The following ZC3H18 variants were observed in gnomAD, a reference collection of about 807,000 sequenced individuals.
ZC3H18 encodes zinc finger CCCH domain-containing protein 18.
Under a neutral mutation model 106.1 loss-of-function variants are expected in ZC3H18, and 8 were observed. The ratio of observed to expected loss-of-function variants is 0.08; its 90% CI spans 0.04 to 0.14. ZC3H18 has a LOEUF of 0.14. Among genes scored for constraint, ZC3H18 ranks in the 10% least tolerant of loss-of-function variants. The pLI, the probability that ZC3H18 is intolerant of heterozygous loss-of-function variation, is 1.00. For synonymous variants in ZC3H18, 635 were observed against 522.1 expected (o/e 1.22, Z -2.95); for missense variants, 1,318 against 1,278.4 (o/e 1.03, Z -0.47).
intron 7 of ZC3H18, among the ~76,000 whole-genome samples, chr16:88,610,377 A>G (rs974090715): frequency 2.0e-5 from 3 of 152,182 alleles, no homozygotes; most frequent in African/African-American, 7.2e-5. Context: ...CCATCGTGCC[A>G]GAAAAGTCCC....
Position 88,625,207 on chromosome 16 carries a change from C to A in ZC3H18, c.2048C>A (p.Thr683Lys). ...RPARTPPRRR[T>K]LSGSGSGSGS... ...CGCTGTTGCTTGTATTACAGGCGGA[C>A]GCTAAGCGGCAGCGGCAGTGGCAGT... The change falls in exon 13 of 18, where the codon ACG (threonine) becomes AAG (lysine). Residue 683 changes from threonine to lysine, a missense_variant. Thr to Lys is a moderately conservative substitution (Grantham distance 78, BLOSUM62 -1). Transcript: ENST00000301011. The A allele has an allele frequency of 6.3e-7, 1 of 1,588,270 alleles. No homozygotes were observed. The highest frequency in any genetic ancestry group is 8.6e-7 in the Non-Finnish European group (1 of 1,167,596).
At position 88,628,055 on chromosome 16, in the gene ZC3H18, C is replaced by G; in HGVS notation, c.2405C>G (p.Pro802Arg). 1 of 1,614,114 alleles carries G rather than the reference C, an allele frequency of 6.2e-7. No individual in the cohort carries two copies. The highest frequency in any genetic ancestry group is 2.2e-5 in the East Asian group (1 of 44,886). ...CCCTCGACACCCCAGCAGGCACCCC[C>G]CGGGCAGCCCCAGCAGGGCACATTT... ...QQPSTPQQAP[P>R]GQPQQGTFVA... Residue 802 changes from proline (P) to arginine (R), a missense_variant, in exon 15 of 18, where the codon CCC becomes CGC. By Grantham distance (103) the Pro-to-Arg change is moderately radical. Transcript: ENST00000301011.
intron 3 of ZC3H18, among the ~76,000 whole-genome samples, chr16:88,590,747 A>G (rs989627910): frequency 2.6e-5 from 4 of 151,472 alleles, no homozygotes; most frequent in East Asian, 3.9e-4. Flanking sequence ...TTTAGCAGAC[A>G]TGGGGTTTCA....
At chr16:88,609,894 C>T (rs1347487341) in intron 7 of ZC3H18, among the ~76,000 whole-genome samples, 2 of 152,174 alleles carry the variant, frequency 1.3e-5, no homozygotes, top group African/African-American at 4.8e-5. Flanking sequence ...AGTCACTGTG[C>T]CCAGCTCGGC....
At chr16:88,578,419 T>A (rs1914895132) in intron 2 of ZC3H18, among the ~76,000 whole-genome samples, 2 of 152,174 alleles carry the variant, frequency 1.3e-5, no homozygotes, top group Admixed American at 1.3e-4. Context: ...TTGGAAAAAC[T>A]ATGAGTGTTT....
intron 4 of ZC3H18, 44 bp from the exon 5 acceptor site, chr16:88,598,576 G>A (rs1227058536): frequency 6.4e-7 from 1 of 1,568,290 alleles, no homozygotes. Context: ...CTGTACACTT[G>A]AAAGTTTTAC....
chr16:88,605,105 C>T (rs1244441250), intron 6 of ZC3H18, among the ~76,000 whole-genome samples: 1 of 152,258 alleles, frequency 6.6e-6, no homozygotes, highest in African/African-American at 2.4e-5. Context: ...GGTCCAGCAC[C>T]TCCTTTGTCC....
intron 2 of ZC3H18, among the ~76,000 whole-genome samples, chr16:88,581,962 C>G (rs1205979059): frequency 6.6e-6 from 1 of 152,172 alleles, no homozygotes; most frequent in Non-Finnish European, 1.5e-5. Context: ...ATTAGCAGGC[C>G]TTCCGTCACC....
intron 7 of ZC3H18, 67 bp from the exon 8 acceptor site, chr16:88,611,201 A>G: frequency 1.4e-6 from 1 of 709,218 alleles, no homozygotes; most frequent in Non-Finnish European, 2.6e-6. Context: ...GTTGGAGCCA[A>G]GGCTTTCAGT....
At chr16:88,617,330 G>A (rs997649647) in intron 8 of ZC3H18, among the ~76,000 whole-genome samples, 1 of 152,128 alleles carries the variant, frequency 6.6e-6, no homozygotes, top group Non-Finnish European at 1.5e-5. Context: ...CGCTCTCTCC[G>A]TCCTAGTTTG....
chr16:88,588,039 A>G (rs1033820760), intron 3 of ZC3H18, among the ~76,000 whole-genome samples: 2 of 152,258 alleles, frequency 1.3e-5, no homozygotes, highest in African/African-American at 4.8e-5. Context: ...CTGTGAGGGC[A>G]GCAGACTTAG....
intron 8 of ZC3H18, among the ~76,000 whole-genome samples, chr16:88,621,434 C>T (rs1905952636): frequency 6.6e-6 from 1 of 152,136 alleles, no homozygotes; most frequent in African/African-American, 2.4e-5. Context: ...CCATGTTAGC[C>T]AGGATGGTCT....
intron 2 of ZC3H18, 97 bp downstream of exon 2, chr16:88,577,823 G>T (rs1914860614): frequency 1.6e-5 from 26 of 1,589,454 alleles, no homozygotes; most frequent in Non-Finnish European, 2.2e-5. Context: ...GACTGACTTA[G>T]TGATTTGTTA....
At chr16:88,576,342 A>G (rs574552888) in intron 1 of ZC3H18, among the ~76,000 whole-genome samples, 75 of 152,242 alleles carry the variant, frequency 4.9e-4, no homozygotes, top group African/African-American at 1.7e-3. Context: ...GTACCTGGCC[A>G]GCCTCGTCTT....
intron 3 of ZC3H18, among the ~76,000 whole-genome samples, chr16:88,595,430 AGAT>A (rs1303998772): frequency 6.6e-6 from 1 of 151,654 alleles, no homozygotes; most frequent in Non-Finnish European, 1.5e-5. Context: ...GTAAACCAGA[AGAT>A]CTTTATTGTT....
chr16:88,594,570 A>C (rs1020651014), intron 3 of ZC3H18, among the ~76,000 whole-genome samples: 4 of 152,172 alleles, frequency 2.6e-5, no homozygotes, highest in African/African-American at 9.7e-5. Context: ...CTGAGCATGC[A>C]GGTTCCCTTT....
intron 2 of ZC3H18, among the ~76,000 whole-genome samples, chr16:88,579,391 G>A (rs1469411295): frequency 6.6e-6 from 1 of 152,182 alleles, no homozygotes; most frequent in Non-Finnish European, 1.5e-5. Context: ...CCTGCACCCA[G>A]GGCTCTGGCG....
In ZC3H18 at chr16:88,624,893, C is replaced by G; in HGVS notation, c.2042+148C>G. 3.2e-6 allele frequency: 4 copies of G among 1,239,020 alleles called. No individual in the cohort carries two copies. In the South Asian group the frequency reaches 6.3e-5, roughly 19 times the overall value. The allele number at this position is 1,239,020 out of a possible 1,614,324, so 76.8% of individuals were successfully genotyped here. A position where few individuals can be genotyped will look rare whatever the true frequency, so the allele number is the denominator to read the frequency against. The stretch of plus-strand genomic sequence containing the variant: ...CCGAGCAGCACCCAGTGAGCCCTTA[C>G]CCGGGAACCTGCCCTGTCCCCTCCC... On this transcript the variant is annotated intron_variant, in intron 12 of 17. Coordinates refer to ENST00000301011, the MANE Select transcript of ZC3H18 (RefSeq NM_144604.4).
chr16:88,625,086 A>C, intron 12 of ZC3H18, 116 bp from the exon 13 acceptor site: 2 of 1,234,606 alleles, frequency 1.6e-6, no homozygotes, highest in African/African-American at 3.0e-5. Flanking sequence ...CCCTGTTCCA[A>C]GGTGGTAGCA....
Sources: allele counts gnomAD v4.1 joint callset (sites outside exome capture counted in the v4.1 genomes callset), GRCh38; gene constraint gnomAD v4.1.1; transcripts MANE v1.5; gene names NCBI Gene and HGNC (gene_info 2026-07-23, HGNC 2026-07-21).